Variants in FRMD4A observed in about 807,000 individuals in gnomAD.
FRMD4A encodes the protein FERM domain-containing protein 4A.
Under a neutral mutation model 129.1 loss-of-function variants are expected in FRMD4A, and 29 were observed. That is an observed-to-expected ratio of 0.22 (90% confidence interval 0.17 to 0.31). The LOEUF is 0.31. FRMD4A is among the 10% of genes least tolerant of loss of function. FRMD4A has a pLI of 1.00. For missense variants in FRMD4A, 1,272 were observed against 1,375.8 expected, an observed-to-expected ratio of 0.92 and a Z score of 1.19; for synonymous variants, 634 against 571.6, an observed-to-expected ratio of 1.11 and a Z score of -1.56.
chr10:13,674,470 C>G (rs963055244), intron 16 of FRMD4A, among the ~76,000 whole-genome samples: 6 of 152,170 alleles, frequency 3.9e-5, no homozygotes, highest in African/African-American at 1.4e-4. Context: ...AGTGCTTCAT[C>G]AACCAATTCT....
chr10:13,768,607 G>A (rs1350148569), intron 6 of FRMD4A, among the ~76,000 whole-genome samples: 1 of 152,172 alleles, frequency 6.6e-6, no homozygotes, highest in Non-Finnish European at 1.5e-5. Flanking sequence ...ATTCTCACCA[G>A]TTATCACCAC....
chr10:14,140,255 G>T (rs564811711), intron 2 of FRMD4A, among the ~76,000 whole-genome samples: 1 of 152,040 alleles, frequency 6.6e-6, no homozygotes, highest in Non-Finnish European at 1.5e-5. Context: ...CAGAGATGGG[G>T]TTTCACCATG....
intron 2 of FRMD4A, among the ~76,000 whole-genome samples, chr10:13,955,637 G>C (rs1259537594): frequency 6.6e-6 from 1 of 152,192 alleles, no homozygotes; most frequent in Non-Finnish European, 1.5e-5. Context: ...CCTCCTTAAT[G>C]AAAAACACAT....
chr10:13,681,435 T>C (rs2084574484), intron 15 of FRMD4A, among the ~76,000 whole-genome samples: 2 of 152,102 alleles, frequency 1.3e-5, no homozygotes, highest in African/African-American at 4.8e-5. Flanking sequence ...TCAAAGGTTA[T>C]TGATTGAGAA....
chr10:14,103,183 C>A (rs1162825230), intron 2 of FRMD4A, among the ~76,000 whole-genome samples: 1 of 152,206 alleles, frequency 6.6e-6, no homozygotes, highest in African/African-American at 2.4e-5. Flanking sequence ...GCATCCACCC[C>A]AAGATGCTTC....
chr10:14,033,164 G>A (rs1448762902), intron 2 of FRMD4A, among the ~76,000 whole-genome samples: 4 of 152,130 alleles, frequency 2.6e-5, no homozygotes, highest in Admixed American at 6.5e-5. Context: ...AAAATTAGCC[G>A]GGCGTGGTGG....
intron 15 of FRMD4A, chr10:13,676,095 C>T (rs1376093806): frequency 6.6e-6 from 1 of 152,006 alleles, no homozygotes; most frequent in Non-Finnish European, 1.5e-5. Flanking sequence ...GCTGAAATGC[C>T]ATCTGGAGGA....
At chr10:13,831,342 G>T (rs1450981746) in intron 3 of FRMD4A, among the ~76,000 whole-genome samples, 1 of 152,160 alleles carries the variant, frequency 6.6e-6, no homozygotes, top group Non-Finnish European at 1.5e-5. Flanking sequence ...CAGCACTTTG[G>T]GAAGTTGAGG....
chr10:13,743,091 T>C (rs992196994), intron 9 of FRMD4A, among the ~76,000 whole-genome samples: 2 of 152,200 alleles, frequency 1.3e-5, no homozygotes, highest in Admixed American at 6.5e-5. Flanking sequence ...ACCAGCCAGC[T>C]ACAGGGGGCC....
At chr10:14,021,117 A>G (rs1832725000) in intron 2 of FRMD4A, among the ~76,000 whole-genome samples, 1 of 152,140 alleles carries the variant, frequency 6.6e-6, no homozygotes, top group Admixed American at 6.5e-5. Flanking sequence ...ACAATCTCAC[A>G]TCTAGGAAGT....
chr10:14,067,815 TCAAAA>T (rs1565225532), intron 2 of FRMD4A, among the ~76,000 whole-genome samples: 1 of 152,116 alleles, frequency 6.6e-6, no homozygotes, highest in Non-Finnish European at 1.5e-5. Context: ...AGACTCCGTC[TCAAAA>T]CAAAAACAAA....
chr10:13,823,971 C>T (rs1165921671), intron 3 of FRMD4A, among the ~76,000 whole-genome samples: 5 of 152,216 alleles, frequency 3.3e-5, no homozygotes, highest in African/African-American at 1.2e-4. Flanking sequence ...GGCTGGCATT[C>T]GAAGACTGTG....
intron 6 of FRMD4A, among the ~76,000 whole-genome samples, chr10:13,771,095 A>G (rs1024303931): frequency 6.6e-6 from 1 of 152,008 alleles, no homozygotes; most frequent in Non-Finnish European, 1.5e-5. Context: ...ATTTTTTTTT[A>G]AGAGATGAGT....
chr10:14,192,514 A>G (rs1486503260), intron 2 of FRMD4A, among the ~76,000 whole-genome samples: 1 of 152,224 alleles, frequency 6.6e-6, no homozygotes, highest in East Asian at 1.9e-4. Context: ...CATTCCTTTT[A>G]TTCTTGCAGC....
At chr10:14,122,970 T>C (rs969322029) in intron 2 of FRMD4A, among the ~76,000 whole-genome samples, 2 of 152,198 alleles carry the variant, frequency 1.3e-5, no homozygotes, top group Non-Finnish European at 2.9e-5. Context: ...TTGCTAACTA[T>C]CATCATCCTA....
chr10:13,805,002 G>A lies in FRMD4A; in HGVS notation c.206+5812C>T, dbSNP rs150460711. On this transcript the variant is annotated intron_variant, in intron 4 of 24. Coordinates refer to ENST00000357447, the MANE Select transcript of FRMD4A (RefSeq NM_018027.5). ...AGGTTCTTAAACTAACATCCTGGCC[G>A]CAGGGTGTCTGTGAGTGTTGTAAAA... Among the ~76,000 whole-genome samples the A allele has an allele frequency of 1.6e-4, 25 of 152,250 alleles. No homozygotes were observed. In the East Asian group the frequency reaches 4.2e-3, roughly 26 times the overall value.
intron 2 of FRMD4A, chr10:13,971,764 C>A (rs202061713): frequency 5.1e-5 from 67 of 1,304,332 alleles, no homozygotes; most frequent in Non-Finnish European, 6.5e-5. Flanking sequence ...TCCAACTCCA[C>A]GGTGGGTCCT....
At chr10:14,146,391 T>G (rs1203381158) in intron 2 of FRMD4A, among the ~76,000 whole-genome samples, 2 of 152,186 alleles carry the variant, frequency 1.3e-5, no homozygotes, top group Non-Finnish European at 2.9e-5. Context: ...TGATGTGATA[T>G]AGTCTGATAC....
At chr10:13,771,634 A>G (rs562062838) in intron 6 of FRMD4A, among the ~76,000 whole-genome samples, 54 of 152,334 alleles carry the variant, frequency 3.5e-4, no homozygotes, top group African/African-American at 1.2e-3. Flanking sequence ...CACTCAGAAA[A>G]ATGCTGGTAC....
Sources: gnomAD v4.1 joint callset for allele counts (sites outside exome capture counted in the v4.1 genomes callset) on GRCh38, gnomAD v4.1.1 for gene constraint, MANE v1.5 for transcripts, NCBI Gene and HGNC (gene_info 2026-07-23, HGNC 2026-07-21) for gene names.